MAN1A1: variants seen among roughly 807,000 people sequenced by gnomAD.
MAN1A1 encodes mannosidase alpha class 1A member 1.
In MAN1A1, 29 loss-of-function variants were observed where a neutral mutation model predicts 70.8. The observed-to-expected ratio is 0.41, with a 90% CI of 0.31 to 0.56. The LOEUF (loss-of-function observed/expected upper bound fraction) is 0.56. Among genes scored for constraint, MAN1A1 ranks in the 20% least tolerant of loss-of-function variants. The pLI, the probability that MAN1A1 is intolerant of heterozygous loss-of-function variation, is 0.29. For synonymous variants in MAN1A1, 349 were observed against 330.1 expected (o/e 1.06, Z -0.62); for missense variants, 747 against 841.3 (o/e 0.89, Z 1.39).
At position 119,348,675 on chromosome 6, in the gene MAN1A1, C is replaced by T. The variant is rs750864395; in HGVS notation, c.391G>A (p.Ala131Thr). The T allele has an allele frequency of 4.3e-6, 7 of 1,612,054 alleles. No homozygotes were observed. The South Asian group carries it at 7.7e-5, about 18-fold the overall frequency. The change falls in exon 2 of 13, where the codon GCT (alanine) becomes ACT (threonine). Residue 131 changes from alanine (A) to threonine (T), a missense_variant. Transcript: ENST00000368468. ...AGGGTCTCCTTGGCTTCCCTGAGAG[C>T]CCGCTCGTGGTTTTCGCGGATCCTG... The part of the protein sequence containing the change: ...LARIRENHER[A>T]LREAKETLQK...
intron 5 of MAN1A1, among the ~76,000 whole-genome samples, chr6:119,279,412 C>T (rs1420673596): frequency 2.0e-5 from 3 of 152,152 alleles, no homozygotes; most frequent in South Asian, 2.1e-4. Flanking sequence ...AACTAACTGC[C>T]TTCTCCATGC....
intron 5 of MAN1A1, among the ~76,000 whole-genome samples, chr6:119,273,972 G>C (rs1775990326): frequency 6.6e-6 from 1 of 152,156 alleles, no homozygotes; most frequent in Non-Finnish European, 1.5e-5. Context: ...GCATGAGATT[G>C]AGAACATCTG....
At chr6:119,209,587 G>T (rs960312250) in intron 6 of MAN1A1, among the ~76,000 whole-genome samples, 1 of 152,182 alleles carries the variant, frequency 6.6e-6, no homozygotes, top group Non-Finnish European at 1.5e-5. Flanking sequence ...TTGGATTTTA[G>T]CACAGATTGG....
chr6:119,205,530 T>A (rs1359212672), intron 6 of MAN1A1, among the ~76,000 whole-genome samples: 2 of 152,174 alleles, frequency 1.3e-5, no homozygotes, highest in African/African-American at 4.8e-5. Flanking sequence ...TCTGGAAAGG[T>A]GAAAGCCATG....
At chr6:119,286,749 T>C (rs988950608) in intron 5 of MAN1A1, among the ~76,000 whole-genome samples, 1 of 152,136 alleles carries the variant, frequency 6.6e-6, no homozygotes, top group African/African-American at 2.4e-5. Context: ...TGGCAGAATA[T>C]TTTCTTTGAG....
At chr6:119,306,708 C>T (rs1054239622) in intron 3 of MAN1A1, among the ~76,000 whole-genome samples, 188 bp downstream of exon 3, 3 of 152,160 alleles carry the variant, frequency 2.0e-5, no homozygotes, top group Non-Finnish European at 2.9e-5. Context: ...GCAGGTTATT[C>T]GAACACATAG....
intron 2 of MAN1A1, among the ~76,000 whole-genome samples, chr6:119,310,276 C>A (rs1238670289): frequency 6.6e-6 from 1 of 152,172 alleles, no homozygotes; most frequent in African/African-American, 2.4e-5. Context: ...GTTTTAAACA[C>A]ATAATCTTTA....
chr6:119,302,111 G>C lies in MAN1A1; in HGVS notation c.701-8C>G. On this transcript the variant is annotated splice_region_variant and splice_polypyrimidine_tract_variant and intron_variant, in intron 3 of 12. Transcript: ENST00000368468. ...TTGCTCCTTTGATGTTACCTGAAAA[G>C]ATCAGAAAAATATTTGATAAAATAC... is the stretch of plus-strand genomic sequence containing the variant. 7.5e-7 allele frequency: 1 copy of C among 1,335,210 alleles called. No homozygotes were observed. Among genetic ancestry groups the C allele is most frequent in the South Asian group, 1.2e-5 (1 of 80,830 alleles). 82.7% of individuals were successfully genotyped at this position (1,335,210 alleles called of 1,614,324 possible).
chr6:119,302,613 C>T (rs1772421139), intron 3 of MAN1A1, among the ~76,000 whole-genome samples: 1 of 152,004 alleles, frequency 6.6e-6, no homozygotes, highest in South Asian at 2.1e-4. Flanking sequence ...ATCTCTCGAC[C>T]TCATAATCCA....
At chr6:119,269,003 C>T (rs1775838460) in intron 5 of MAN1A1, 1 of 152,428 alleles carries the variant, frequency 6.6e-6, no homozygotes, top group African/African-American at 2.4e-5. Context: ...CGTTTCCTTA[C>T]CCCCAGCTTC....
intron 5 of MAN1A1, among the ~76,000 whole-genome samples, chr6:119,270,157 C>T (rs186513720): frequency 1.3e-5 from 2 of 152,214 alleles, no homozygotes; most frequent in African/African-American, 2.4e-5. Flanking sequence ...TGTACATTTC[C>T]AATTTCAGTC....
chr6:119,316,070 T>G (rs1057059177), intron 2 of MAN1A1, among the ~76,000 whole-genome samples: 1 of 152,016 alleles, frequency 6.6e-6, no homozygotes, highest in Non-Finnish European at 1.5e-5. Context: ...GTGATCTCCC[T>G]CACTTGGTCC....
chr6:119,185,406 G>A (rs1773259288), intron 11 of MAN1A1, among the ~76,000 whole-genome samples: 1 of 152,114 alleles, frequency 6.6e-6, no homozygotes, highest in Non-Finnish European at 1.5e-5. Flanking sequence ...TTTCTCAAGT[G>A]TATCAGTGAA....
chr6:119,201,139 C>G, intron 8 of MAN1A1, 115 bp downstream of exon 8: 2 of 728,580 alleles, frequency 2.7e-6, no homozygotes. Context: ...GGAGCCATGC[C>G]CTTTTCTCCT....
intron 5 of MAN1A1, among the ~76,000 whole-genome samples, chr6:119,272,420 T>G (rs1425591933): frequency 6.6e-6 from 1 of 152,174 alleles, no homozygotes; most frequent in Admixed American, 6.5e-5. Flanking sequence ...CATTTACTGC[T>G]TGTAACAACA....
intron 5 of MAN1A1, among the ~76,000 whole-genome samples, chr6:119,262,761 G>C (rs1009397340): frequency 1.3e-5 from 2 of 152,086 alleles, no homozygotes; most frequent in African/African-American, 4.8e-5. Context: ...TAAAGAAAAG[G>C]TGGTACATAA....
At chr6:119,296,291 T>C (rs1012365425) in intron 4 of MAN1A1, among the ~76,000 whole-genome samples, 2 of 152,158 alleles carry the variant, frequency 1.3e-5, no homozygotes, top group African/African-American at 2.4e-5. Context: ...GGTTTTACCA[T>C]GCAGGTCCAG....
intron 7 of MAN1A1, among the ~76,000 whole-genome samples, chr6:119,202,419 T>C (rs1023681602): frequency 5.9e-5 from 9 of 152,282 alleles, no homozygotes; most frequent in African/African-American, 2.2e-4. Flanking sequence ...CCTGTGATGA[T>C]AATGCCTTGA....
intron 5 of MAN1A1, among the ~76,000 whole-genome samples, chr6:119,277,081 A>G (rs1223766739): frequency 6.6e-6 from 1 of 152,220 alleles, no homozygotes; most frequent in Non-Finnish European, 1.5e-5. Flanking sequence ...TAAAATAAAT[A>G]TCAATTGTTA....
Sources: gnomAD v4.1 joint callset for allele counts (sites outside exome capture counted in the v4.1 genomes callset) on GRCh38, gnomAD v4.1.1 for gene constraint, MANE v1.5 for transcripts, NCBI Gene and HGNC (gene_info 2026-07-23, HGNC 2026-07-21) for gene names.